TAF1B: variants seen among roughly 807,000 people sequenced by gnomAD.
TAF1B encodes the protein TATA-box binding protein associated factor, RNA polymerase I subunit B.
In TAF1B, 61 loss-of-function variants were observed where a neutral mutation model predicts 83.9. The ratio of observed to expected loss-of-function variants is 0.73; its 90% CI spans 0.59 to 0.90. TAF1B has a LOEUF of 0.90. Ranked by LOEUF, TAF1B falls within the 40% of genes least tolerant of loss-of-function variation. The pLI is 0.00. For missense variants in TAF1B, 625 were observed against 677.0 expected, an observed-to-expected ratio of 0.92 and a Z score of 0.85; for synonymous variants, 221 against 224.6, an observed-to-expected ratio of 0.98 and a Z score of 0.14.
intron 14 of TAF1B, among the ~76,000 whole-genome samples, chr2:9,928,452 C>T (rs10929623): frequency 0.18 from 26,654 of 151,912 alleles, 2,947 homozygotes; most frequent in East Asian, 0.3. Flanking sequence ...CCTTAAGCAG[C>T]ATGGCCATTT....
chr2:9,890,960 T>C (rs56102002), intron 8 of TAF1B, among the ~76,000 whole-genome samples: 42,396 of 151,952 alleles, frequency 0.28, 6,889 homozygotes, highest in Middle Eastern at 0.4. Flanking sequence ...TTAGTAGAGA[T>C]GGGGTTTCTC....
chr2:9,843,480 C>T lies in TAF1B; in HGVS notation c.-62C>T. 2 of 1,514,790 alleles carry T rather than the reference C, an allele frequency of 1.3e-6. No individual in the cohort carries two copies. The highest frequency in any genetic ancestry group is 4.1e-5 in the Admixed American group (2 of 49,146). The allele number at this position is 1,514,790 out of a possible 1,614,324, so 93.8% of individuals were successfully genotyped here. A position where few individuals can be genotyped will look rare whatever the true frequency, so the allele number is the denominator to read the frequency against. ...GGCCGGAAGCTTCTCCAGCCTTTCC[C>T]GGAAGCTGCGCTCGCTACCCGGGTA... On this transcript the variant is annotated 5_prime_UTR_variant, in exon 1 of 15. Coordinates refer to ENST00000263663, the MANE Select transcript of TAF1B (RefSeq NM_005680.3).
chr2:9,879,620 AAGCAAGAGCT>A (rs1326915754), intron 7 of TAF1B, among the ~76,000 whole-genome samples: 2 of 152,182 alleles, frequency 1.3e-5, no homozygotes, highest in African/African-American at 4.8e-5. Context: ...CCAAGCCCTA[AAGCAAGAGCT>A]GTGTGATGAA....
chr2:9,887,550 G>GTT lies in TAF1B; in HGVS notation c.807+4752_807+4753dup, dbSNP rs34131837. ...TCTGATACTAATATAGCCACTCCAA[G>GTT]TTTTTTTTATTGATGTTTGCACAGC... On this transcript the variant is annotated intron_variant, in intron 8 of 14. Coordinates refer to ENST00000263663, the MANE Select transcript of TAF1B (RefSeq NM_005680.3). 3.7e-4 allele frequency among the ~76,000 whole-genome samples: 56 copies of GTT among 151,706 alleles called. No individual in the cohort carries two copies. The South Asian group carries it at 9.0e-3, about 24-fold the overall frequency.
At chr2:9,920,142 A>G (rs1365341832) in intron 14 of TAF1B, among the ~76,000 whole-genome samples, 5 of 152,178 alleles carry the variant, frequency 3.3e-5, no homozygotes, top group African/African-American at 9.7e-5. Flanking sequence ...TACCTTTATC[A>G]TGTCTTTCTA....
chr2:9,923,400 C>G (rs868744518), intron 14 of TAF1B, among the ~76,000 whole-genome samples: 12 of 151,804 alleles, frequency 7.9e-5, no homozygotes, highest in Admixed American at 1.3e-4. Flanking sequence ...CACTGTTGGC[C>G]GGGCACGGTG....
rs1444240410 is a variant in TAF1B, at chr2:9,919,578, C to G, written c.1343-20C>G. 1 of 1,600,028 alleles carries G rather than the reference C, an allele frequency of 6.2e-7. No homozygotes were observed. Among genetic ancestry groups the G allele is most frequent in the Non-Finnish European group, 8.6e-7 (1 of 1,167,756 alleles). ...TTAACATTACTTGTTATTTTGTTTCCTTTTTTTCTCCGGTTCCAGAAATGG... is the reference window on the plus strand; with the variant it reads ...TTAACATTACTTGTTATTTTGTTTCGTTTTTTTCTCCGGTTCCAGAAATGG... On this transcript the variant is annotated intron_variant, in intron 13 of 14. Transcript: ENST00000263663.
At chr2:9,859,376 C>A (rs963132718) in intron 5 of TAF1B, among the ~76,000 whole-genome samples, 1 of 148,170 alleles carries the variant, frequency 6.7e-6, no homozygotes, top group African/African-American at 2.5e-5. Flanking sequence ...TTGTCCATAT[C>A]ACTATCAGCA....
intron 8 of TAF1B, among the ~76,000 whole-genome samples, chr2:9,895,794 A>G (rs1664999199): frequency 6.7e-6 from 1 of 148,368 alleles, no homozygotes; most frequent in Admixed American, 6.8e-5. Context: ...AAGAATAAGT[A>G]AGGGTGAGGC....
chr2:9,921,749 A>T (rs765144459), intron 14 of TAF1B, among the ~76,000 whole-genome samples: 10 of 152,230 alleles, frequency 6.6e-5, no homozygotes, highest in Non-Finnish European at 1.0e-4. Flanking sequence ...ACTTTGCTGT[A>T]TGATTGAAAT....
intron 5 of TAF1B, among the ~76,000 whole-genome samples, chr2:9,859,142 C>G (rs1663664165): frequency 6.6e-6 from 1 of 152,210 alleles, no homozygotes; most frequent in Non-Finnish European, 1.5e-5. Context: ...ACACACATGA[C>G]TGAATGCTTT....
At chr2:9,859,707 A>C (rs968091063) in intron 5 of TAF1B, among the ~76,000 whole-genome samples, 1 of 152,072 alleles carries the variant, frequency 6.6e-6, no homozygotes, top group Non-Finnish European at 1.5e-5. Flanking sequence ...TTTGATCACA[A>C]TCATTCAACA....
chr2:9,889,891 C>T (rs929155080), intron 8 of TAF1B, among the ~76,000 whole-genome samples: 4 of 152,158 alleles, frequency 2.6e-5, no homozygotes, highest in African/African-American at 9.7e-5. Context: ...GGCTGTTTGC[C>T]TTCCGTGAGC....
chr2:9,846,071 C>T (rs1335457287), intron 2 of TAF1B: 1 of 471,078 alleles, frequency 2.1e-6, no homozygotes, highest in Admixed American at 2.3e-5. Context: ...TTACAGATTA[C>T]AAAGTTTTTG....
chr2:9,847,411 C>T (rs1663240466), intron 2 of TAF1B, among the ~76,000 whole-genome samples: 1 of 152,146 alleles, frequency 6.6e-6, no homozygotes, highest in African/African-American at 2.4e-5. Flanking sequence ...CTCCCTGGAG[C>T]TGAGCAGTGT....
intron 11 of TAF1B, among the ~76,000 whole-genome samples, chr2:9,912,492 C>G (rs1355312872): frequency 6.6e-6 from 1 of 152,190 alleles, no homozygotes; most frequent in Non-Finnish European, 1.5e-5. Context: ...CTGTACATTG[C>G]TCATGTTGGC....
chr2:9,881,063 G>C (rs1185959310), intron 7 of TAF1B, among the ~76,000 whole-genome samples: 2 of 152,044 alleles, frequency 1.3e-5, no homozygotes, highest in Non-Finnish European at 2.9e-5. Flanking sequence ...GCTGGGCCTG[G>C]TGGCTCACTT....
At chr2:9,925,660 C>T (rs1256805314) in intron 14 of TAF1B, among the ~76,000 whole-genome samples, 2 of 151,106 alleles carry the variant, frequency 1.3e-5, no homozygotes, top group African/African-American at 2.4e-5. Flanking sequence ...TGGCTCACTG[C>T]GACCTCCCTG....
chr2:9,932,950 A>G (rs1666262336), intron 14 of TAF1B, among the ~76,000 whole-genome samples: 1 of 152,224 alleles, frequency 6.6e-6, no homozygotes, highest in South Asian at 2.1e-4. Context: ...GCAGTGAGCA[A>G]GGCTCCGTGG....
Sources: gnomAD v4.1 joint callset for allele counts (sites outside exome capture counted in the v4.1 genomes callset) on GRCh38, gnomAD v4.1.1 for gene constraint, MANE v1.5 for transcripts, NCBI Gene and HGNC (gene_info 2026-07-23, HGNC 2026-07-21) for gene names.